Variants in CLYBL observed in about 807,000 individuals in gnomAD.
CLYBL encodes citramalyl-CoA lyase.
A neutral mutation model predicts 38.9 loss-of-function variants in CLYBL; 31 were observed. The observed-to-expected ratio is 0.80, with a 90% CI of 0.60 to 1.08. The LOEUF (loss-of-function observed/expected upper bound fraction) is 1.08, where lower values mean the gene tolerates loss of function less well. Ranked by LOEUF, CLYBL falls within the 50% of genes least tolerant of loss-of-function variation. CLYBL has a pLI of 0.00. For missense variants in CLYBL, 434 were observed against 411.6 expected (o/e 1.05, Z -0.47); for synonymous variants, 171 against 158.6 (o/e 1.08, Z -0.59).
chr13:99,817,693 A>G (rs886113060), intron 2 of CLYBL, among the ~76,000 whole-genome samples: 1 of 150,546 alleles, frequency 6.6e-6, no homozygotes, highest in Non-Finnish European at 1.5e-5. Context: ...AAAGAAAAGC[A>G]CTGAGCTAAA....
chr13:99,621,848 G>T (rs917649432), intron 1 of CLYBL, among the ~76,000 whole-genome samples: 1 of 152,002 alleles, frequency 6.6e-6, no homozygotes, highest in Non-Finnish European at 1.5e-5. Context: ...GGCCAGGGAA[G>T]CCAAAAAAAC....
At chr13:99,720,562 A>G (rs184185086) in intron 1 of CLYBL, among the ~76,000 whole-genome samples, 11 of 152,298 alleles carry the variant, frequency 7.2e-5, no homozygotes, top group Admixed American at 2.0e-4. Context: ...AGGTCTAACA[A>G]TAGTAACTTT....
chr13:99,627,289 A>G (rs940927074), intron 1 of CLYBL, among the ~76,000 whole-genome samples: 1 of 152,080 alleles, frequency 6.6e-6, no homozygotes, highest in Non-Finnish European at 1.5e-5. Context: ...AAAGCGTTGA[A>G]TGTGATGATG....
chr13:99,632,918 A>G (rs577730014), intron 1 of CLYBL, among the ~76,000 whole-genome samples: 1 of 152,204 alleles, frequency 6.6e-6, no homozygotes. Context: ...TACACAATGA[A>G]TGAACAGATA....
chr13:99,705,139 G>T (rs894288302), intron 1 of CLYBL, among the ~76,000 whole-genome samples: 2 of 152,110 alleles, frequency 1.3e-5, no homozygotes, highest in Non-Finnish European at 2.9e-5. Flanking sequence ...GGGTACATGG[G>T]TACACCCATG....
At chr13:99,846,261 C>T (rs747800903) in intron 2 of CLYBL, among the ~76,000 whole-genome samples, 1 of 146,934 alleles carries the variant, frequency 6.8e-6, no homozygotes, top group African/African-American at 2.5e-5. Flanking sequence ...TGGATATTAC[C>T]AATATTACCA....
chr13:99,700,168 C>A (rs892954521), intron 1 of CLYBL, among the ~76,000 whole-genome samples: 45 of 151,688 alleles, frequency 3.0e-4, no homozygotes, highest in Admixed American at 4.6e-4. Context: ...AAAACAGCAC[C>A]AAGGCCGGGT....
chr13:99,657,244 G>C (rs907666165), intron 1 of CLYBL, among the ~76,000 whole-genome samples: 16 of 152,208 alleles, frequency 1.1e-4, no homozygotes, highest in African/African-American at 3.6e-4. Flanking sequence ...AAAGGGAAAA[G>C]GATCTTGTAT....
At chr13:99,739,912 A>T (rs991296780) in intron 1 of CLYBL, among the ~76,000 whole-genome samples, 1 of 152,102 alleles carries the variant, frequency 6.6e-6, no homozygotes, top group African/African-American at 2.4e-5. Context: ...CGGAGGTTGC[A>T]GTGAGTCAAG....
chr13:99,672,201 T>C lies in CLYBL; in HGVS notation c.62+65444T>C, dbSNP rs9517822. Among the ~76,000 whole-genome samples, 108 of 145,144 alleles carry C rather than the reference T, an allele frequency of 7.4e-4. 1 individual carries two copies. The highest frequency in any genetic ancestry group is 1.1e-3 in the South Asian group (5 of 4,462). On this transcript the variant is annotated intron_variant, in intron 1 of 8. Coordinates refer to ENST00000339105, the MANE Select transcript of CLYBL (RefSeq NM_206808.5). ...TTCTTCGGGAATTTCTTTTTTTTTTTCTTTTTTTTTTTTTTGAGACAGAGT... is the reference window on the plus strand; with the variant it reads ...TTCTTCGGGAATTTCTTTTTTTTTTCCTTTTTTTTTTTTTTGAGACAGAGT...
chr13:99,766,251 C>T (rs1315839983), intron 1 of CLYBL, among the ~76,000 whole-genome samples: 1 of 152,020 alleles, frequency 6.6e-6, no homozygotes, highest in Non-Finnish European at 1.5e-5. Flanking sequence ...TTTCAAGTAG[C>T]CTATCTTTAG....
intron 2 of CLYBL, among the ~76,000 whole-genome samples, chr13:99,830,482 A>G (rs983635725): frequency 2.0e-5 from 3 of 152,202 alleles, no homozygotes; most frequent in African/African-American, 7.2e-5. Flanking sequence ...GAGACACTGG[A>G]GCAGTGTGGG....
chr13:99,782,475 A>T (rs1193638105), intron 2 of CLYBL, among the ~76,000 whole-genome samples: 1 of 152,094 alleles, frequency 6.6e-6, no homozygotes, highest in Non-Finnish European at 1.5e-5. Context: ...ATTGCACTCC[A>T]GCCTGTGTGA....
intron 1 of CLYBL, among the ~76,000 whole-genome samples, chr13:99,714,696 C>T (rs1042469836): frequency 4.6e-5 from 7 of 151,220 alleles, no homozygotes. Context: ...GCCTCTAATC[C>T]CAGCACTTTG....
At chr13:99,766,964 A>G (rs1182424545) in intron 1 of CLYBL, among the ~76,000 whole-genome samples, 1 of 151,446 alleles carries the variant, frequency 6.6e-6, no homozygotes, top group Non-Finnish European at 1.5e-5. Flanking sequence ...TGGTAGTCCC[A>G]CCTCCCTGCT....
At chr13:99,645,497 CA>C (rs35412408) in intron 1 of CLYBL, among the ~76,000 whole-genome samples, 416 of 94,176 alleles carry the variant, frequency 4.4e-3, no homozygotes, top group African/African-American at 8.0e-3. Flanking sequence ...GACTCTGTCT[CA>C]AAAAAAAAAA....
At chr13:99,796,301 G>A (rs370076646) in intron 2 of CLYBL, among the ~76,000 whole-genome samples, 3 of 152,200 alleles carry the variant, frequency 2.0e-5, no homozygotes, top group East Asian at 3.9e-4. Flanking sequence ...GGAGGACAGT[G>A]GCCTCCTTGA....
chr13:99,835,214 C>T (rs1047480841), intron 2 of CLYBL, among the ~76,000 whole-genome samples: 4 of 152,212 alleles, frequency 2.6e-5, no homozygotes, highest in South Asian at 2.1e-4. Flanking sequence ...TAAGCTGCTA[C>T]AACAGAAAAG....
chr13:99,873,876 G>T (rs546883902), intron 7 of CLYBL, among the ~76,000 whole-genome samples: 1 of 152,164 alleles, frequency 6.6e-6, no homozygotes, highest in African/African-American at 2.4e-5. Context: ...CAGAATTTTG[G>T]GGATGTTTAT....
Sources: allele counts gnomAD v4.1 joint callset (sites outside exome capture counted in the v4.1 genomes callset), GRCh38; gene constraint gnomAD v4.1.1; transcripts MANE v1.5; gene names NCBI Gene and HGNC (gene_info 2026-07-23, HGNC 2026-07-21).